SCHIP1: variants seen among roughly 807,000 people sequenced by gnomAD.
SCHIP1 encodes the protein schwannomin-interacting protein 1.
In SCHIP1, 8 loss-of-function variants were observed where a neutral mutation model predicts 29.7. The observed-to-expected ratio is 0.27, with a 90% confidence interval of 0.16 to 0.49. The LOEUF is 0.49. Ranked by LOEUF, SCHIP1 falls within the 20% of genes least tolerant of loss-of-function variation. The pLI is 0.99. For missense variants in SCHIP1, 193 were observed against 294.6 expected (o/e 0.66, Z 2.52); for synonymous variants, 76 against 94.9 (o/e 0.80, Z 1.16).
At chr3:159,425,075 C>T in the SCHIP1 span, among the ~76,000 whole-genome samples, 12 of 151,440 alleles carry the variant, frequency 7.9e-5, no homozygotes, top group African/African-American at 1.5e-4. Context: ...CGGTACCAGC[C>T]GCTGCAAAAT....
chr3:159,653,377 G>T, the SCHIP1 span, among the ~76,000 whole-genome samples: 3 of 152,110 alleles, frequency 2.0e-5, no homozygotes, highest in African/African-American at 7.2e-5. Context: ...AGAAAATGTG[G>T]CACATATATA....
the SCHIP1 span, among the ~76,000 whole-genome samples, chr3:159,704,402 T>G: frequency 6.2e-3 from 705 of 114,062 alleles, 9 homozygotes; most frequent in Admixed American, 0.037. Flanking sequence ...GCCATTGCGC[T>G]CCAGCAATTT....
the SCHIP1 span, chr3:159,764,466 T>A: frequency 6.3e-7 from 1 of 1,594,990 alleles, no homozygotes; most frequent in Non-Finnish European, 8.5e-7. The surrounding 1 kb of genome is among the most constrained non-coding windows in gnomAD (Gnocchi z 6.1). Flanking sequence ...ATGGGATGGA[T>A]CTAGGCAGTG....
the SCHIP1 span, among the ~76,000 whole-genome samples, chr3:159,472,707 C>T: frequency 6.6e-6 from 1 of 152,130 alleles, no homozygotes; most frequent in Non-Finnish European, 1.5e-5. Flanking sequence ...CACAACTACC[C>T]ATCTATGCCA....
At chr3:159,370,659 T>C in the SCHIP1 span, among the ~76,000 whole-genome samples, 37 of 152,192 alleles carry the variant, frequency 2.4e-4, no homozygotes, top group Non-Finnish European at 2.2e-4. Flanking sequence ...CATTCAGTCA[T>C]TGGGGCCCAG....
At chr3:159,496,994 C>A in the SCHIP1 span, among the ~76,000 whole-genome samples, 2 of 152,160 alleles carry the variant, frequency 1.3e-5, no homozygotes, top group African/African-American at 4.8e-5. Flanking sequence ...TCTCAGCAAA[C>A]TGTCGCAAGG....
At chr3:159,392,762 G>A in the SCHIP1 span, among the ~76,000 whole-genome samples, 24 of 152,062 alleles carry the variant, frequency 1.6e-4, no homozygotes, top group Admixed American at 4.6e-4. Flanking sequence ...GAATAGAGCC[G>A]CAATAAACAT....
At chr3:159,680,441 G>T in the SCHIP1 span, among the ~76,000 whole-genome samples, 1 of 144,172 alleles carries the variant, frequency 6.9e-6, no homozygotes, top group African/African-American at 2.6e-5. Flanking sequence ...CCCGGGAGGC[G>T]GAGGTTGCAG....
At chr3:159,426,282 A>G in the SCHIP1 span, among the ~76,000 whole-genome samples, 509 of 152,312 alleles carry the variant, frequency 3.3e-3, no homozygotes, top group African/African-American at 0.011. Context: ...TAGATAGACC[A>G]GTAGCAAGAC....
At chr3:159,586,068 A>C in the SCHIP1 span, among the ~76,000 whole-genome samples, 1 of 152,088 alleles carries the variant, frequency 6.6e-6, no homozygotes, top group Non-Finnish European at 1.5e-5. Flanking sequence ...CCAGAAATAA[A>C]TTAATAAGCT....
chr3:159,393,789 C>T, the SCHIP1 span, among the ~76,000 whole-genome samples: 2,992 of 151,564 alleles, frequency 0.02, 59 homozygotes, highest in African/African-American at 0.057. Context: ...ATTGACTTGG[C>T]GATGCGGGCT....
chr3:159,785,407 A>G, the SCHIP1 span, among the ~76,000 whole-genome samples: 1 of 152,214 alleles, frequency 6.6e-6, no homozygotes, highest in African/African-American at 2.4e-5. Flanking sequence ...TTTTCATATT[A>G]AAGACATGTT....
the SCHIP1 span, among the ~76,000 whole-genome samples, chr3:159,308,337 T>G: frequency 6.6e-6 from 1 of 151,872 alleles, no homozygotes; most frequent in Non-Finnish European, 1.5e-5. Context: ...CAAGCAAAAA[T>G]CAAATAACCC....
the SCHIP1 span, among the ~76,000 whole-genome samples, chr3:159,509,324 G>T: frequency 1.3e-5 from 2 of 152,178 alleles, no homozygotes; most frequent in African/African-American, 4.8e-5. Context: ...TTGCTTGGTA[G>T]ATCTTCCTCC....
the SCHIP1 span, among the ~76,000 whole-genome samples, chr3:159,513,014 G>T: frequency 6.6e-6 from 1 of 152,160 alleles, no homozygotes; most frequent in Admixed American, 6.5e-5. Context: ...ATACTCACAG[G>T]TATCAAATTG....
chr3:159,416,474 G>T, the SCHIP1 span, among the ~76,000 whole-genome samples: 1 of 152,216 alleles, frequency 6.6e-6, no homozygotes, highest in African/African-American at 2.4e-5. Flanking sequence ...CTACAACAGT[G>T]TCTGGCACAT....
chr3:159,782,801 T>C, the SCHIP1 span, among the ~76,000 whole-genome samples: 1 of 152,226 alleles, frequency 6.6e-6, no homozygotes, highest in Non-Finnish European at 1.5e-5. Flanking sequence ...GTAAATTGAT[T>C]TATATGTAGA....
chr3:159,553,032 C>T, the SCHIP1 span, among the ~76,000 whole-genome samples: 1 of 151,912 alleles, frequency 6.6e-6, no homozygotes, highest in Non-Finnish European at 1.5e-5. Flanking sequence ...TATCATATTA[C>T]GAATTAGAAA....
chr3:159,555,348 A>G, the SCHIP1 span, among the ~76,000 whole-genome samples: 1,598 of 152,246 alleles, frequency 0.01, 26 homozygotes, highest in African/African-American at 0.037. Context: ...TGTGGTCATT[A>G]GACTTACTGT....
Sources: allele counts gnomAD v4.1 joint callset (sites outside exome capture counted in the v4.1 genomes callset), GRCh38; gene constraint gnomAD v4.1.1; non-coding constraint Gnocchi (gnomAD v3.1); transcripts MANE v1.5; gene names NCBI Gene and HGNC (gene_info 2026-07-23, HGNC 2026-07-21).